Variants in VPS29 observed in about 807,000 individuals in gnomAD.
VPS29 encodes vacuolar protein sorting-associated protein 29.
VPS29 carries 2 observed loss-of-function variants against 20.0 expected under a neutral mutation model. The ratio of observed to expected loss-of-function variants is 0.10; its 90% CI spans 0.04 to 0.31. VPS29 has a LOEUF of 0.31. VPS29 is among the 10% of genes least tolerant of loss of function. The pLI is 1.00. For synonymous variants in VPS29, 81 were observed against 79.3 expected (o/e 1.02, Z -0.12); for missense variants, 120 against 215.3 (o/e 0.56, Z 2.77).
At chr12:110,501,479 G>A in intron 1 of VPS29, 2 of 1,535,436 alleles carry the variant, frequency 1.3e-6, no homozygotes, top group Non-Finnish European at 1.7e-6. Context: ...GCCAAATCCC[G>A]CCCTCTGAGA....
At position 110,492,881 on chromosome 12, in the gene VPS29, A is replaced by T. The variant is rs146963972; in HGVS notation, c.431+115T>A. ...TCAAGCAACCTGCCCTGGTCTCCCG[A>T]AGTGCTGGTATTACAGGCATGAGCC... On this transcript the variant is annotated intron_variant, in intron 3 of 3. Coordinates refer to ENST00000549578, the MANE Select transcript of VPS29 (RefSeq NM_016226.5). 8.9e-3 allele frequency: 8,257 copies of T among 923,890 alleles called. 49 individuals are homozygous for T. The highest frequency in any genetic ancestry group is 0.011 in the Non-Finnish European group (7,143 of 621,190). 57.2% of individuals were successfully genotyped at this position (923,890 alleles called of 1,614,324 possible).
intron 1 of VPS29, chr12:110,499,497 A>G: frequency 6.2e-7 from 1 of 1,612,260 alleles, no homozygotes; most frequent in South Asian, 1.1e-5. Flanking sequence ...CAGCCACCCA[A>G]CCACCACTGT....
At chr12:110,501,417 C>CCTAAA (rs2063037240) in intron 1 of VPS29, 3 of 1,535,180 alleles carry the variant, frequency 2.0e-6, no homozygotes, top group Non-Finnish European at 1.7e-6. Flanking sequence ...GGAATCCTAC[C>CCTAAA]CTAAAGAGGC....
intron 2 of VPS29, among the ~76,000 whole-genome samples, chr12:110,495,752 A>G (rs2062896379): frequency 6.6e-6 from 1 of 152,126 alleles, no homozygotes; most frequent in Admixed American, 6.6e-5. Context: ...ATTAAACGAC[A>G]GCATAAAACA....
intron 1 of VPS29, chr12:110,496,949 A>G (rs924935132): frequency 6.6e-6 from 1 of 152,120 alleles, no homozygotes; most frequent in Non-Finnish European, 1.5e-5. Context: ...CCTCACTGTC[A>G]TATTTTTATG....
chr12:110,494,469 T>C (rs1324046287), intron 2 of VPS29, among the ~76,000 whole-genome samples: 1 of 151,848 alleles, frequency 6.6e-6, no homozygotes, highest in East Asian at 1.9e-4. Context: ...TTAGCCAGGA[T>C]GGTCTCGATC....
At chr12:110,498,737 G>T in intron 1 of VPS29, 1 of 582,322 alleles carries the variant, frequency 1.7e-6, no homozygotes, top group Non-Finnish European at 2.2e-6. Context: ...TTGTTTCAAT[G>T]CAGATCTCAG....
intron 3 of VPS29, 26 bp downstream of exon 3, chr12:110,492,969 CA>C: frequency 6.4e-7 from 1 of 1,567,226 alleles, no homozygotes; most frequent in Non-Finnish European, 8.7e-7. Context: ...CTAAAGCCCC[CA>C]AATTCCCAAA....
chr12:110,499,640 C>CAAAAAAAAAAAAAA (rs376108608), intron 1 of VPS29: 4 of 642,674 alleles, frequency 6.2e-6, no homozygotes, highest in East Asian at 3.6e-5. Flanking sequence ...AAAAAGAAAC[C>CAAAAAAAAAAAAAA]AAAAAAAAAA....
chr12:110,500,220 CTG>C (rs2062981770), intron 1 of VPS29, among the ~76,000 whole-genome samples: 5 of 152,172 alleles, frequency 3.3e-5, no homozygotes, highest in Admixed American at 3.3e-4. Context: ...CCCACAGACT[CTG>C]GACACTGTAC....
At chr12:110,501,353 T>G in intron 1 of VPS29, 1 of 1,532,104 alleles carries the variant, frequency 6.5e-7, no homozygotes, top group Non-Finnish European at 8.7e-7. Context: ...CCCAGAAAAA[T>G]GTGTATATTC....
Position 110,501,834 on chromosome 12 carries a change from G to C in VPS29, c.3+215C>G, listed in dbSNP as rs967294631. ...CCTTGGATGGCCTCTGGCCCCTTGG[G>C]GCCGGGATACGAGACCTAGGCCAGC... On this transcript the variant is annotated intron_variant, in intron 1 of 3. Transcript: ENST00000549578. 3 of 1,271,886 alleles carry C rather than the reference G, an allele frequency of 2.4e-6. No individual in the cohort carries two copies. The Admixed American group carries it at 5.9e-5, about 25-fold the overall frequency. The allele number at this position is 1,271,886 out of a possible 1,614,324, so 78.8% of individuals were successfully genotyped here.
At chr12:110,500,585 CTGTT>C (rs1174762317) in intron 1 of VPS29, among the ~76,000 whole-genome samples, 25 of 152,264 alleles carry the variant, frequency 1.6e-4, no homozygotes, top group Non-Finnish European at 3.5e-4. Context: ...CTTGAAAAGG[CTGTT>C]TGTCATGCAA....
chr12:110,500,957 A>T (rs1161862196), intron 1 of VPS29, among the ~76,000 whole-genome samples: 3 of 152,086 alleles, frequency 2.0e-5, no homozygotes, highest in African/African-American at 7.2e-5. Flanking sequence ...AGGCGGGTGG[A>T]TCATCTGAGG....
At chr12:110,492,884 T>C (rs1287226425) in intron 3 of VPS29, 112 bp downstream of exon 3, 4 of 942,542 alleles carry the variant, frequency 4.2e-6, no homozygotes, top group Non-Finnish European at 6.3e-6. Context: ...TCTCCCGAAG[T>C]GCTGGTATTA....
intron 1 of VPS29, among the ~76,000 whole-genome samples, chr12:110,498,243 AT>A (rs2062940552): frequency 6.6e-6 from 1 of 152,140 alleles, no homozygotes; most frequent in African/African-American, 2.4e-5. Context: ...AACTGCTAGG[AT>A]TATAGGCGTG....
intron 1 of VPS29, chr12:110,497,122 C>T (rs1004791523): frequency 6.6e-6 from 1 of 151,050 alleles, no homozygotes. Context: ...GCAACATAGT[C>T]TCAGATGACA....
intron 2 of VPS29, among the ~76,000 whole-genome samples, chr12:110,495,736 T>G (rs1440244833): frequency 1.3e-5 from 2 of 151,800 alleles, no homozygotes; most frequent in Non-Finnish European, 2.9e-5. Flanking sequence ...AAAAAAAACT[T>G]TATAAATTAA....
intron 1 of VPS29, chr12:110,501,378 A>T: frequency 6.5e-7 from 1 of 1,534,846 alleles, no homozygotes; most frequent in Admixed American, 2.0e-5. Flanking sequence ...AAATTTCCCA[A>T]CAGTTTCAAT....
Sources: allele counts gnomAD v4.1 joint callset (sites outside exome capture counted in the v4.1 genomes callset), GRCh38; gene constraint gnomAD v4.1.1; transcripts MANE v1.5; gene names NCBI Gene and HGNC (gene_info 2026-07-23, HGNC 2026-07-21).